ATP11C: variants seen among roughly 807,000 people sequenced by gnomAD.
ATP11C encodes ATPase phospholipid transporting 11C (ATP11C blood group).
ATP11C carries 36 observed loss-of-function variants against 97.4 expected under a neutral mutation model. That is an observed-to-expected ratio of 0.37 (90% CI 0.28 to 0.49). The LOEUF is 0.49. Ranked by LOEUF, ATP11C falls within the 20% of genes least tolerant of loss-of-function variation. The probability of loss-of-function intolerance (pLI) is 0.98; values close to 1 mark genes in which losing one functional copy is unlikely to be tolerated. For missense variants in ATP11C, 730 were observed against 824.6 expected (o/e 0.89, Z 1.40); for synonymous variants, 275 against 290.9 (o/e 0.95, Z 0.56).
At chrX:139,917,544 C>T (rs1404413183) in intron 1 of ATP11C, among the ~76,000 whole-genome samples, 2 of 112,017 alleles carry the variant, frequency 1.8e-5, no homozygotes, top group East Asian at 5.6e-4. Flanking sequence ...CTTAGGTAGA[C>T]ATTTCTCAAA....
chrX:139,755,265 T>C (rs1347788507), intron 23 of ATP11C, among the ~76,000 whole-genome samples: 1 of 111,573 alleles, frequency 9.0e-6, no homozygotes, highest in African/African-American at 3.3e-5. Flanking sequence ...TGCCTAGAAA[T>C]ACAGCTAACC....
chrX:139,832,357 C>A, intron 1 of ATP11C: 1 of 1,034,856 alleles, frequency 9.7e-7, no homozygotes. Flanking sequence ...TGGGAGGCAG[C>A]AAAGGAAGCA....
chrX:139,934,397 G>C (rs2085499622), upstream of ATP11C, among the ~76,000 whole-genome samples: 3 of 110,314 alleles, frequency 2.7e-5, no homozygotes, highest in South Asian at 7.7e-4. Flanking sequence ...GCTCACAGTT[G>C]AGCCTGTATC....
chrX:139,823,255 A>G (rs2083454047), intron 2 of ATP11C, among the ~76,000 whole-genome samples: 2 of 112,266 alleles, frequency 1.8e-5, no homozygotes, highest in South Asian at 7.4e-4. Context: ...CGGTACATAC[A>G]ATGCATTTTA....
At chrX:139,911,829 ATAT>A (rs921976244) in intron 1 of ATP11C, among the ~76,000 whole-genome samples, 7 of 111,251 alleles carry the variant, frequency 6.3e-5, no homozygotes, top group African/African-American at 2.0e-4. Flanking sequence ...CCAAGGTGAA[ATAT>A]TATTCAGCAG....
chrX:139,855,515 C>G (rs1052252550), intron 1 of ATP11C, among the ~76,000 whole-genome samples: 1 of 111,532 alleles, frequency 9.0e-6, no homozygotes, highest in Non-Finnish European at 1.9e-5. Context: ...TCATCATACC[C>G]GAGTCAAGAA....
intron 1 of ATP11C, among the ~76,000 whole-genome samples, chrX:139,854,145 A>G (rs778171573): frequency 1.8e-5 from 2 of 111,956 alleles, no homozygotes; most frequent in South Asian, 7.4e-4. Flanking sequence ...ATGGCCTAAT[A>G]ATTGGTCTAA....
At chrX:139,731,425 A>C (rs1453469858) in intron 29 of ATP11C, among the ~76,000 whole-genome samples, 1 of 112,262 alleles carries the variant, frequency 8.9e-6, no homozygotes, top group Non-Finnish European at 1.9e-5. Context: ...GCTCTGAAAA[A>C]TGTTTAACAT....
chrX:139,857,387 C>G (rs1470060345), intron 1 of ATP11C, among the ~76,000 whole-genome samples: 1 of 111,806 alleles, frequency 8.9e-6, no homozygotes, highest in Non-Finnish European at 1.9e-5. Context: ...GTGTTCAATT[C>G]TTTTCCTTCT....
At chrX:139,894,101 G>A (rs192397377) in intron 1 of ATP11C, among the ~76,000 whole-genome samples, 2 of 111,349 alleles carry the variant, frequency 1.8e-5, no homozygotes, top group African/African-American at 6.5e-5. Flanking sequence ...TTTGCTGCTG[G>A]GAAGAATTAA....
At chrX:139,936,122 A>T (rs902995098), upstream of ATP11C, among the ~76,000 whole-genome samples, 1 of 110,909 alleles carries the variant, frequency 9.0e-6, no homozygotes, top group African/African-American at 3.3e-5. Flanking sequence ...ACATAGCAAG[A>T]CCTCATCTTT....
chrX:139,752,307 A>G (rs1447662343), intron 23 of ATP11C, among the ~76,000 whole-genome samples: 1 of 111,542 alleles, frequency 9.0e-6, no homozygotes, highest in Admixed American at 9.6e-5. Flanking sequence ...ATCACTACAC[A>G]CTGCAAGTTT....
chrX:139,776,124 T>C (rs1019745656), intron 18 of ATP11C, among the ~76,000 whole-genome samples: 1 of 112,282 alleles, frequency 8.9e-6, no homozygotes, highest in South Asian at 3.7e-4. Context: ...GGAACAGTCA[T>C]GGAGAGGGGT....
chrX:139,839,873 A>G (rs1262103989), intron 1 of ATP11C, among the ~76,000 whole-genome samples: 1 of 110,722 alleles, frequency 9.0e-6, no homozygotes, highest in African/African-American at 3.3e-5. Context: ...CCTTTTTTCC[A>G]TTCCAGGTAA....
intron 20 of ATP11C, among the ~76,000 whole-genome samples, chrX:139,763,871 TG>T (rs774708612): frequency 3.6e-5 from 4 of 112,116 alleles, no homozygotes; most frequent in Admixed American, 9.5e-5. Context: ...CCATTCAAAA[TG>T]TAACACCAGC....
chrX:139,745,823 G>A lies in ATP11C; in HGVS notation c.2863C>T (p.Pro955Ser), dbSNP rs756953682. The change falls in exon 25 of 30, where the codon CCC becomes TCC. Residue 955 changes from proline (P) to serine (S), a missense_variant. By Grantham distance (74) the Pro-to-Ser change is moderately conservative (BLOSUM62 -1). Coordinates refer to ENST00000682941, the MANE Select transcript of ATP11C (RefSeq NM_001353812.2). ...GCCAGAAATGTCCAATATAAGAAGG[G>A]GCCCAACTGTAGCATGGCATTGCCA... Reference protein sequence around the residue: ...ISGNAMLQLGPFLYWTFLAAF... With the variant: ...ISGNAMLQLGSFLYWTFLAAF... 2.2e-4 allele frequency: 268 copies of A among 1,202,634 alleles called. 1 individual carries two copies. The East Asian group carries it at 7.9e-3, about 35-fold the overall frequency.
chrX:139,746,898 G>A (rs996078245), intron 24 of ATP11C, among the ~76,000 whole-genome samples: 1 of 111,825 alleles, frequency 8.9e-6, no homozygotes, highest in Non-Finnish European at 1.9e-5. Flanking sequence ...ATACTACCAA[G>A]AATGTCACTG....
chrX:139,827,435 C>A (rs1449385410), intron 1 of ATP11C, among the ~76,000 whole-genome samples: 1 of 111,720 alleles, frequency 9.0e-6, no homozygotes, highest in Non-Finnish European at 1.9e-5. Flanking sequence ...AGTTCCAATT[C>A]ACACAATATA....
In ATP11C at chrX:139,893,895, C is replaced by CT. The variant is rs72475232; in HGVS notation, c.27+38120dup. ...CAGTAAAATGTATTTACTTATAATT[C>CT]TTTTTTTTTTTAATAATTCTTAACT... On this transcript the variant is annotated intron_variant, in intron 1 of 29. Transcript: ENST00000682941. 9.0e-3 allele frequency among the ~76,000 whole-genome samples: 939 copies of CT among 104,596 alleles called. 8 individuals are homozygous for CT. The highest frequency in any genetic ancestry group is 0.014 in the African/African-American group (396 of 28,907). 90.8% of individuals were successfully genotyped at this position (104,596 alleles called of 115,157 possible).
Sources: gnomAD v4.1 joint callset for allele counts (sites outside exome capture counted in the v4.1 genomes callset) on GRCh38, gnomAD v4.1.1 for gene constraint, MANE v1.5 for transcripts, NCBI Gene and HGNC (gene_info 2026-07-23, HGNC 2026-07-21) for gene names.